Variants in LDLRAD4 observed in about 807,000 individuals in gnomAD.
LDLRAD4 encodes the protein low-density lipoprotein receptor class A domain-containing protein 4.
A neutral mutation model predicts 17.0 loss-of-function variants in LDLRAD4; 5 were observed. That is an observed-to-expected ratio of 0.29 (90% CI 0.15 to 0.62). The LOEUF is 0.62. LDLRAD4 is among the 20% of genes least tolerant of loss of function. LDLRAD4 has a pLI of 0.84. For missense variants in LDLRAD4, 340 were observed against 424.7 expected, an observed-to-expected ratio of 0.80 and a Z score of 1.75; for synonymous variants, 168 against 171.8, an observed-to-expected ratio of 0.98 and a Z score of 0.17.
At chr18:13,492,917 T>TA (rs1453342613) in intron 3 of LDLRAD4, among the ~76,000 whole-genome samples, 1 of 152,056 alleles carries the variant, frequency 6.6e-6, no homozygotes, top group Non-Finnish European at 1.5e-5. Flanking sequence ...ATCGCTGTGC[T>TA]ACCAGCCTGG....
intron 3 of LDLRAD4, among the ~76,000 whole-genome samples, chr18:13,465,819 T>C (rs936739881): frequency 6.6e-6 from 1 of 152,230 alleles, no homozygotes; most frequent in African/African-American, 2.4e-5. Flanking sequence ...TGCTGAGTTG[T>C]GGACATGTGT....
At chr18:13,616,525 GCCCAGAGT>G (rs1457908815) in intron 3 of LDLRAD4, among the ~76,000 whole-genome samples, 1 of 152,134 alleles carries the variant, frequency 6.6e-6, no homozygotes, top group African/African-American at 2.4e-5. Flanking sequence ...GATGGGTTTT[GCCCAGAGT>G]CCCCAGAGCA....
intron 1 of LDLRAD4, among the ~76,000 whole-genome samples, chr18:13,282,874 A>AGGCATGTATG (rs1304550895): frequency 1.3e-5 from 2 of 152,230 alleles, no homozygotes; most frequent in Non-Finnish European, 2.9e-5. Flanking sequence ...CTGGGCATCT[A>AGGCATGTATG]GGCATTTCCA....
At chr18:13,456,048 A>G (rs1400429806) in intron 3 of LDLRAD4, among the ~76,000 whole-genome samples, 2 of 152,122 alleles carry the variant, frequency 1.3e-5, no homozygotes, top group African/African-American at 4.8e-5. Flanking sequence ...GGCTCCCAGC[A>G]TATGGAGGAG....
rs764807567 is a variant in LDLRAD4, at chr18:13,622,744, G to GA, written c.336+1477dup. Among the ~76,000 whole-genome samples, 23 of 152,218 alleles carry GA rather than the reference G, an allele frequency of 1.5e-4. No individual in the cohort carries two copies. Among genetic ancestry groups the GA allele is most frequent in the Non-Finnish European group, 3.1e-4 (21 of 68,046 alleles). On this transcript the variant is annotated intron_variant, in intron 4 of 5. Transcript: ENST00000359446. This position sits in a 1 kb window ranked among gnomAD's most constrained non-coding sequence, Gnocchi z 5.3. Reference sequence around the variant, plus strand: ...CCTGTGTTTTGAGAGAGGACAGGGAGAAAATCTCATCACAGCAGCAGTTTC... The same window carrying GA: ...CCTGTGTTTTGAGAGAGGACAGGGAGAAAAATCTCATCACAGCAGCAGTTTC...
chr18:13,627,392 G>A (rs1191011326), intron 4 of LDLRAD4, among the ~76,000 whole-genome samples: 1 of 152,206 alleles, frequency 6.6e-6, no homozygotes, highest in African/African-American at 2.4e-5. Context: ...CATGGAGTGG[G>A]CCTGTGCTGC....
intron 2 of LDLRAD4, among the ~76,000 whole-genome samples, chr18:13,399,568 G>A (rs1157736044): frequency 3.3e-5 from 5 of 152,168 alleles, no homozygotes; most frequent in East Asian, 3.8e-4. Context: ...GTTAGCCATC[G>A]ACTCACTTTA....
At chr18:13,305,545 C>T (rs1307787855) in intron 1 of LDLRAD4, among the ~76,000 whole-genome samples, 1 of 152,180 alleles carries the variant, frequency 6.6e-6, no homozygotes, top group Non-Finnish European at 1.5e-5. Flanking sequence ...ATACCATAAG[C>T]CTCGAAGAGC....
chr18:13,222,754 G>A (rs1204318759), intron 1 of LDLRAD4, among the ~76,000 whole-genome samples: 1 of 152,218 alleles, frequency 6.6e-6, no homozygotes, highest in African/African-American at 2.4e-5. Flanking sequence ...TTGCTAGGCT[G>A]CTCCGCCTCC....
intron 1 of LDLRAD4, among the ~76,000 whole-genome samples, chr18:13,314,929 C>T (rs145043647): frequency 5.9e-5 from 9 of 152,224 alleles, no homozygotes; most frequent in African/African-American, 1.2e-4. Flanking sequence ...TGTTCTCGTA[C>T]GTTGCCCAGG....
At chr18:13,351,945 A>G (rs962102181) in intron 1 of LDLRAD4, among the ~76,000 whole-genome samples, 1 of 152,210 alleles carries the variant, frequency 6.6e-6, no homozygotes, top group African/African-American at 2.4e-5. Context: ...CCTAGGATGC[A>G]AGGGTGGTTC....
intron 3 of LDLRAD4, among the ~76,000 whole-genome samples, chr18:13,569,794 A>C (rs1179363646): frequency 1.3e-5 from 2 of 152,218 alleles, no homozygotes; most frequent in East Asian, 3.8e-4. Context: ...CTGAGGCAGG[A>C]GAATCGCTTG....
At chr18:13,501,183 C>T (rs2093608860) in intron 3 of LDLRAD4, 1 of 152,210 alleles carries the variant, frequency 6.6e-6, no homozygotes, top group South Asian at 2.1e-4. Context: ...ATCATGATTT[C>T]AGCAAAACCT....
At chr18:13,407,428 G>C (rs2087870823) in intron 2 of LDLRAD4, among the ~76,000 whole-genome samples, 1 of 152,250 alleles carries the variant, frequency 6.6e-6, no homozygotes. Context: ...TAGCACCGCA[G>C]TTGGAGGCAA....
At chr18:13,514,579 C>T (rs1380096394) in intron 3 of LDLRAD4, 1 of 152,206 alleles carries the variant, frequency 6.6e-6, no homozygotes, top group Non-Finnish European at 1.5e-5. Flanking sequence ...TGGTAGCCCT[C>T]TCTGGGGACT....
intron 3 of LDLRAD4, chr18:13,514,546 G>A (rs1222025446): frequency 6.6e-6 from 1 of 152,194 alleles, no homozygotes; most frequent in Non-Finnish European, 1.5e-5. Flanking sequence ...CGAGGTAATG[G>A]GAAAGGCTGA....
intron 2 of LDLRAD4, among the ~76,000 whole-genome samples, chr18:13,396,423 A>G (rs1303244473): frequency 2.6e-5 from 4 of 152,252 alleles, no homozygotes; most frequent in Non-Finnish European, 4.4e-5. Flanking sequence ...TAGATTACTT[A>G]TGATACCACA....
At chr18:13,505,240 A>C (rs890474) in intron 3 of LDLRAD4, among the ~76,000 whole-genome samples, 138,958 of 152,258 alleles carry the variant, frequency 0.91, 63,900 homozygotes, top group South Asian at 0.97. Flanking sequence ...CAATAGGAAC[A>C]GAACTAAGCA....
chr18:13,470,472 C>T (rs775083817), intron 3 of LDLRAD4, among the ~76,000 whole-genome samples: 13 of 150,450 alleles, frequency 8.6e-5, no homozygotes, highest in East Asian at 5.9e-4. Context: ...CCTTGTGGCA[C>T]GTAATTCATG....
Sources: allele counts gnomAD v4.1 joint callset (sites outside exome capture counted in the v4.1 genomes callset), GRCh38; gene constraint gnomAD v4.1.1; non-coding constraint Gnocchi (gnomAD v3.1); transcripts MANE v1.5; gene names NCBI Gene and HGNC (gene_info 2026-07-23, HGNC 2026-07-21).